ECPAS: variants seen among roughly 807,000 people sequenced by gnomAD.
ECPAS encodes Ecm29 proteasome adaptor and scaffold, also known as proteasome adapter and scaffold protein ECM29.
ECPAS carries 70 observed loss-of-function variants against 255.1 expected under a neutral mutation model. The ratio of observed to expected loss-of-function variants is 0.27; its 90% CI spans 0.23 to 0.33. ECPAS has a LOEUF of 0.33. ECPAS is among the 10% of genes least tolerant of loss of function. The pLI is 1.00. For missense variants in ECPAS, 1,817 were observed against 2,206.4 expected (o/e 0.82, Z 3.54); for synonymous variants, 784 against 775.0 (o/e 1.01, Z -0.19).
chr9:111,397,017 G>C lies in ECPAS; in HGVS notation c.2776+13C>G, dbSNP rs151239445. On this transcript the variant is annotated intron_variant, in intron 25 of 49. Coordinates refer to ENST00000684092, the MANE Select transcript of ECPAS (RefSeq NM_001364929.1). ...CTTGATCATTATAAATCGATTAGCTGAATATTTGGTACCAGCAGGTGGAGT... is the reference window on the plus strand; with the variant it reads ...CTTGATCATTATAAATCGATTAGCTCAATATTTGGTACCAGCAGGTGGAGT... 9.4e-5 allele frequency: 152 copies of C among 1,613,816 alleles called. No individual in the cohort carries two copies. In the African/African-American group the frequency reaches 1.8e-3, roughly 20 times the overall value.
intron 2 of ECPAS, among the ~76,000 whole-genome samples, chr9:111,470,704 C>T (rs2098286516): frequency 3.3e-5 from 5 of 151,498 alleles, no homozygotes. Flanking sequence ...CTTACCACCC[C>T]GCACCCACTT....
chr9:111,444,716 CTTTTT>C (rs546205665), intron 3 of ECPAS, among the ~76,000 whole-genome samples: 47 of 152,224 alleles, frequency 3.1e-4, no homozygotes, highest in African/African-American at 1.1e-3. Context: ...TTCTCTTTTT[CTTTTT>C]ATTTCCCAAG....
chr9:111,470,825 G>A (rs138044244), intron 2 of ECPAS, among the ~76,000 whole-genome samples: 17 of 151,054 alleles, frequency 1.1e-4, no homozygotes, highest in Admixed American at 9.9e-4. Context: ...AGCTTGGCAA[G>A]ACTGGGCCAG....
chr9:111,366,837 T>C (rs1463118196), intron 46 of ECPAS, among the ~76,000 whole-genome samples: 3 of 152,164 alleles, frequency 2.0e-5, no homozygotes, highest in Non-Finnish European at 4.4e-5. Flanking sequence ...CCCCAAAAAC[T>C]TCAGCATGAC....
chr9:111,433,161 C>A (rs2131854598), intron 8 of ECPAS, 72 bp downstream of exon 8: 1 of 1,537,972 alleles, frequency 6.5e-7, no homozygotes, highest in Non-Finnish European at 8.9e-7. Context: ...AATCCTTAAA[C>A]AAAAAATGTG....
chr9:111,407,596 C>G (rs1031086403), intron 24 of ECPAS, among the ~76,000 whole-genome samples: 1 of 151,802 alleles, frequency 6.6e-6, no homozygotes, highest in Admixed American at 6.6e-5. Context: ...ATTCAGAATC[C>G]AGACTAATAG....
intron 23 of ECPAS, 40 bp from the exon 24 acceptor site, chr9:111,408,712 A>G (rs755527802): frequency 5.5e-6 from 7 of 1,279,690 alleles, no homozygotes; most frequent in Non-Finnish European, 7.6e-6. Flanking sequence ...AACAGAGTAT[A>G]TAATAGCTTT....
chr9:111,475,913 G>A (rs1389989259), intron 1 of ECPAS, among the ~76,000 whole-genome samples: 1 of 152,190 alleles, frequency 6.6e-6, no homozygotes, highest in African/African-American at 2.4e-5. Context: ...TTGGAAGCCT[G>A]TATTCTGGTC....
chr9:111,420,527 T>C (rs138117172), intron 15 of ECPAS, among the ~76,000 whole-genome samples: 10 of 152,238 alleles, frequency 6.6e-5, no homozygotes, highest in East Asian at 1.9e-4. Context: ...AGTCAGGTAT[T>C]TGGCAGAAAT....
chr9:111,414,314 TAATGTTCAGTTACAGAAGAAAAAG>T, intron 19 of ECPAS, 91 bp downstream of exon 19: 1 of 874,218 alleles, frequency 1.1e-6, no homozygotes, highest in East Asian at 2.6e-5. Flanking sequence ...AAACAAAGGC[TAATGTTCAGTTACAGAAGAAAAAG>T]AATAATTTTG....
intron 29 of ECPAS, 27 bp downstream of exon 29, chr9:111,391,729 A>C: frequency 7.1e-7 from 1 of 1,407,002 alleles, no homozygotes; most frequent in South Asian, 1.2e-5. Flanking sequence ...AAAGATGTTT[A>C]CCATTCAATG....
rs758492878 is a variant in ECPAS, at chr9:111,451,496, T to C, written c.82A>G (p.Asn28Asp). ...GHAETDEQLQNIISKFLPPVL... is the reference protein window; with the variant it reads ...GHAETDEQLQDIISKFLPPVL... ...GGAGGAAGGAATTTAGATATAATATTCTGTAATTGTTCATCTGTTTCAGCA... is the reference window on the plus strand; with the variant it reads ...GGAGGAAGGAATTTAGATATAATATCCTGTAATTGTTCATCTGTTTCAGCA... The change falls in exon 3 of 50, where the codon AAT becomes GAT. Residue 28 changes from asparagine (N) to aspartate (D), a missense_variant. By Grantham distance (23) the Asn-to-Asp change is conservative (BLOSUM62 1). This residue lies in a region of ECPAS where 90 missense variants were observed against 158.5 expected (regional missense o/e 0.57). Transcript: ENST00000684092. 1.3e-6 allele frequency: 2 copies of C among 1,575,240 alleles called. No homozygotes were observed. The highest frequency in any genetic ancestry group is 8.6e-7 in the Non-Finnish European group (1 of 1,159,482).
Position 111,366,230 on chromosome 9 carries a change from T to C in ECPAS, c.5308+9A>G. On this transcript the variant is annotated intron_variant, in intron 48 of 49. Transcript: ENST00000684092. ...GACTCCCTCATCAGTTTTAGTTTAC[T>C]ACACTCACCTAAAGAATATGTGATT... The C allele has an allele frequency of 2.0e-6, 3 of 1,536,862 alleles. No individual in the cohort carries two copies. Among genetic ancestry groups the C allele is most frequent in the East Asian group, 4.8e-5 (2 of 41,950 alleles).
intron 2 of ECPAS, among the ~76,000 whole-genome samples, chr9:111,469,073 C>T (rs2098283102): frequency 6.6e-6 from 1 of 152,196 alleles, no homozygotes; most frequent in Non-Finnish European, 1.5e-5. Context: ...CAGCAGGATG[C>T]TTCTTTAAGA....
chr9:111,444,320 T>A (rs1274829749), intron 4 of ECPAS, 58 bp downstream of exon 4: 1 of 1,188,796 alleles, frequency 8.4e-7, no homozygotes, highest in Non-Finnish European at 1.2e-6. Context: ...TGACATCTAA[T>A]AAATGTTAGG....
At chr9:111,468,865 T>C (rs768465363) in intron 2 of ECPAS, among the ~76,000 whole-genome samples, 2 of 152,162 alleles carry the variant, frequency 1.3e-5, no homozygotes, top group Non-Finnish European at 2.9e-5. Flanking sequence ...AGTTTGAGGC[T>C]AAAACTATGG....
intron 5 of ECPAS, among the ~76,000 whole-genome samples, chr9:111,442,088 G>A (rs953898735): frequency 6.6e-6 from 1 of 152,184 alleles, no homozygotes. Context: ...TTAGATAAAT[G>A]TTAGTTCTGC....
chr9:111,482,111 T>A (rs1270739770), intron 1 of ECPAS, among the ~76,000 whole-genome samples: 1 of 152,212 alleles, frequency 6.6e-6, no homozygotes, highest in Non-Finnish European at 1.5e-5. Flanking sequence ...ATGGTATGTG[T>A]ACTTTTCTTC....
chr9:111,373,871 C>G, intron 39 of ECPAS, 101 bp downstream of exon 39: 1 of 846,400 alleles, frequency 1.2e-6, no homozygotes, highest in Non-Finnish European at 2.0e-6. Context: ...CACACAGCAT[C>G]ACAAGCAGGT....
Sources: allele counts gnomAD v4.1 joint callset (sites outside exome capture counted in the v4.1 genomes callset), GRCh38; gene constraint gnomAD v4.1.1; regional missense constraint gnomAD v4.1.1; transcripts MANE v1.5; gene names NCBI Gene and HGNC (gene_info 2026-07-23, HGNC 2026-07-21).